Variants in LPP observed in about 807,000 individuals in gnomAD.
The protein encoded by LPP is lipoma-preferred partner.
A neutral mutation model predicts 60.4 loss-of-function variants in LPP; 38 were observed. The observed-to-expected ratio is 0.63, with a 90% CI of 0.49 to 0.83. The LOEUF (loss-of-function observed/expected upper bound fraction) is 0.83, where lower values mean the gene tolerates loss of function less well. Ranked by LOEUF, LPP falls within the 40% of genes least tolerant of loss-of-function variation. LPP has a pLI of 0.00. For missense variants in LPP, 902 were observed against 783.6 expected (o/e 1.15, Z -1.80); for synonymous variants, 328 against 290.8 (o/e 1.13, Z -1.30).
chr3:188,828,640 A>AAAAAACC (rs1756306374), intron 9 of LPP, among the ~76,000 whole-genome samples: 2 of 146,976 alleles, frequency 1.4e-5, no homozygotes, highest in Non-Finnish European at 3.0e-5. Flanking sequence ...AAAAAAAAAA[A>AAAAAACC]CTCAGCTGCA....
chr3:188,272,439 G>A (rs887671657), intron 2 of LPP, among the ~76,000 whole-genome samples: 1 of 152,140 alleles, frequency 6.6e-6, no homozygotes, highest in African/African-American at 2.4e-5. Flanking sequence ...ATTCTTTTGT[G>A]TAACATTCAC....
chr3:188,629,767 T>C (rs1390393655), intron 7 of LPP, among the ~76,000 whole-genome samples: 2 of 151,738 alleles, frequency 1.3e-5, no homozygotes, highest in African/African-American at 4.8e-5. Context: ...AGAGCCCAAA[T>C]AGGCAAAACA....
At chr3:188,712,726 A>G (rs1024445926) in intron 8 of LPP, 3 of 152,136 alleles carry the variant, frequency 2.0e-5, no homozygotes, top group Non-Finnish European at 2.9e-5. Flanking sequence ...TTTTATTTAA[A>G]CTGTAGCTGA....
intron 8 of LPP, among the ~76,000 whole-genome samples, chr3:188,758,193 G>A (rs1039201837): frequency 2.0e-5 from 3 of 151,920 alleles, no homozygotes; most frequent in Non-Finnish European, 2.9e-5. Flanking sequence ...ATGAAGTCTC[G>A]CTCTGTCACC....
chr3:188,754,543 A>C (rs1729525695), intron 8 of LPP, among the ~76,000 whole-genome samples: 1 of 152,250 alleles, frequency 6.6e-6, no homozygotes, highest in African/African-American at 2.4e-5. Context: ...CAGAACACTG[A>C]GTTTGACTTG....
chr3:188,479,326 T>A (rs539755139), intron 4 of LPP, among the ~76,000 whole-genome samples: 1 of 152,334 alleles, frequency 6.6e-6, no homozygotes, highest in South Asian at 2.1e-4. Flanking sequence ...GCTAGAGACA[T>A]GTCACTGCCA....
chr3:188,454,931 T>C (rs778043305), intron 4 of LPP, among the ~76,000 whole-genome samples: 2 of 152,224 alleles, frequency 1.3e-5, no homozygotes, highest in African/African-American at 2.4e-5. Flanking sequence ...TCAAGTTACC[T>C]GCTTATCTAA....
At chr3:188,496,113 A>G (rs1204669674) in intron 5 of LPP, among the ~76,000 whole-genome samples, 1 of 151,736 alleles carries the variant, frequency 6.6e-6, no homozygotes, top group African/African-American at 2.4e-5. Flanking sequence ...CTAGCCTGCA[A>G]ATTTCAAAAT....
intron 8 of LPP, among the ~76,000 whole-genome samples, chr3:188,721,448 T>G (rs2137557): frequency 2.0e-5 from 3 of 151,888 alleles, no homozygotes; most frequent in African/African-American, 7.3e-5. Flanking sequence ...CAGCTACTCA[T>G]GAGGCTGAGA....
At chr3:188,463,772 G>A (rs3732913) in intron 4 of LPP, among the ~76,000 whole-genome samples, 70,009 of 152,002 alleles carry the variant, frequency 0.46, 16,585 homozygotes, top group African/African-American at 0.55. Context: ...TTTTGATGAG[G>A]CAGAGAACGG....
At chr3:188,266,392 G>A (rs140389712) in intron 2 of LPP, among the ~76,000 whole-genome samples, 6 of 152,046 alleles carry the variant, frequency 3.9e-5, no homozygotes, top group African/African-American at 1.5e-4. Flanking sequence ...TGGATTGGCC[G>A]CACAGCGCAG....
intron 7 of LPP, among the ~76,000 whole-genome samples, chr3:188,666,944 G>C (rs1212325124): frequency 2.6e-5 from 4 of 152,162 alleles, no homozygotes; most frequent in Admixed American, 6.5e-5. Flanking sequence ...ATATAATAGT[G>C]TTTGTATTTT....
At chr3:188,239,512 G>A (rs185603703) in intron 2 of LPP, among the ~76,000 whole-genome samples, 1 of 152,010 alleles carries the variant, frequency 6.6e-6, no homozygotes, top group Admixed American at 6.5e-5. Flanking sequence ...TCTTACTATC[G>A]CTATTGGTTT....
chr3:188,245,439 T>C (rs2149503959), intron 2 of LPP, among the ~76,000 whole-genome samples: 1 of 152,256 alleles, frequency 6.6e-6, no homozygotes, highest in South Asian at 2.1e-4. Flanking sequence ...TTTCTTATGA[T>C]TCTATTCCTC....
intron 3 of LPP, among the ~76,000 whole-genome samples, chr3:188,357,654 G>A (rs1768005812): frequency 6.6e-6 from 1 of 152,258 alleles, no homozygotes; most frequent in Admixed American, 6.5e-5. Flanking sequence ...GAAGAAATTG[G>A]TGAGATAAGG....
intron 5 of LPP, among the ~76,000 whole-genome samples, chr3:188,489,784 A>G (rs1045768220): frequency 1.3e-5 from 2 of 152,122 alleles, no homozygotes; most frequent in African/African-American, 4.8e-5. Context: ...CAGGGGCTCA[A>G]TATTTAACTT....
At chr3:188,411,954 T>G (rs1208946127) in intron 4 of LPP, among the ~76,000 whole-genome samples, 1 of 111,254 alleles carries the variant, frequency 9.0e-6, no homozygotes, top group African/African-American at 3.5e-5. Flanking sequence ...ACTTAATAAC[T>G]CTCTCTCTCT....
At chr3:188,423,389 A>G (rs111609533) in intron 4 of LPP, among the ~76,000 whole-genome samples, 3 of 152,324 alleles carry the variant, frequency 2.0e-5, no homozygotes, top group South Asian at 2.1e-4. Context: ...TATTGTGAAT[A>G]GTGCTGCAAT....
intron 2 of LPP, among the ~76,000 whole-genome samples, chr3:188,304,213 C>T (rs994871351): frequency 6.6e-6 from 1 of 152,078 alleles, no homozygotes; most frequent in Non-Finnish European, 1.5e-5. Context: ...ATTTAAATGG[C>T]GTAATAGAAA....
Sources: allele counts gnomAD v4.1 joint callset (sites outside exome capture counted in the v4.1 genomes callset), GRCh38; gene constraint gnomAD v4.1.1; transcripts MANE v1.5; gene names NCBI Gene and HGNC (gene_info 2026-07-23, HGNC 2026-07-21).